Variants in DENND5A observed in about 807,000 individuals in gnomAD.
DENND5A encodes the protein DENN domain-containing protein 5A.
Under a neutral mutation model 140.3 loss-of-function variants are expected in DENND5A, and 64 were observed. The observed-to-expected ratio is 0.46, with a 90% CI of 0.37 to 0.56. The LOEUF is 0.56. Among genes scored for constraint, DENND5A ranks in the 20% least tolerant of loss-of-function variants. The pLI is 0.00. For synonymous variants in DENND5A, 605 were observed against 607.7 expected (o/e 1.00, Z 0.07); for missense variants, 1,292 against 1,593.8 (o/e 0.81, Z 3.22).
intron 1 of DENND5A, among the ~76,000 whole-genome samples, chr11:9,232,109 G>A (rs1850797763): frequency 6.6e-6 from 1 of 152,060 alleles, no homozygotes; most frequent in East Asian, 1.9e-4. Flanking sequence ...TTAGCCCTAG[G>A]ACTGTAGATC....
At chr11:9,246,338 T>G (rs375779558) in intron 1 of DENND5A, among the ~76,000 whole-genome samples, 2 of 151,774 alleles carry the variant, frequency 1.3e-5, no homozygotes, top group South Asian at 4.2e-4. Context: ...TAGGGCCAGG[T>G]GGGGTGGCTC....
At chr11:9,183,281 T>C (rs1402094127) in intron 5 of DENND5A, among the ~76,000 whole-genome samples, 1 of 152,194 alleles carries the variant, frequency 6.6e-6, no homozygotes. Context: ...ATTACCAATG[T>C]CATAGACTTG....
Position 9,139,941 on chromosome 11 carries a change from T to C in DENND5A, c.3681-87A>G. 4 of 1,352,922 alleles carry C rather than the reference T, an allele frequency of 3.0e-6. No individual in the cohort carries two copies. The South Asian group carries it at 5.3e-5, about 18-fold the overall frequency. The allele number at this position is 1,352,922 out of a possible 1,614,324, so 83.8% of individuals were successfully genotyped here. A position where few individuals can be genotyped will look rare whatever the true frequency, so the allele number is the denominator to read the frequency against. ...TAGTGCAAGGCCAAGGGGGAAACCATGAACTAAGTCTGAAGCTGGAGAAGC... is the reference window on the plus strand; with the variant it reads ...TAGTGCAAGGCCAAGGGGGAAACCACGAACTAAGTCTGAAGCTGGAGAAGC... On this transcript the variant is annotated intron_variant, in intron 22 of 22. Coordinates refer to ENST00000328194, the MANE Select transcript of DENND5A (RefSeq NM_015213.4).
rs200270093 is a variant in DENND5A at position 9,199,083 on chromosome 11, TTAAC to T, written c.949+4573_949+4576del. Among the ~76,000 whole-genome samples the T allele has an allele frequency of 2.3e-3, 337 of 147,874 alleles. 2 individuals are homozygous for T. The highest frequency in any genetic ancestry group is 8.2e-3 in the African/African-American group (318 of 38,926). ...AAAATAATAATAAATAATAAATAGT[TTAAC>T]TATAAAATTAATTGTACATATCATT... On this transcript the variant is annotated intron_variant, in intron 4 of 22. Coordinates refer to ENST00000328194, the MANE Select transcript of DENND5A (RefSeq NM_015213.4).
At chr11:9,208,045 T>A (rs1564916236) in intron 1 of DENND5A, among the ~76,000 whole-genome samples, 1 of 152,180 alleles carries the variant, frequency 6.6e-6, no homozygotes, top group African/African-American at 2.4e-5. Flanking sequence ...ATTAAATGCA[T>A]ATAAACAGTT....
Position 9,150,533 on chromosome 11 carries a change from T to C in DENND5A, c.2606+147A>G, listed in dbSNP as rs534140866. On this transcript the variant is annotated intron_variant, in intron 14 of 22. Coordinates refer to ENST00000328194, the MANE Select transcript of DENND5A (RefSeq NM_015213.4). ...TTTGTACAGCTTTACAAATGTATTA[T>C]GAAACACAAGGCTTTGTGATTAGGA... is the stretch of plus-strand genomic sequence containing the variant. 29 of 633,796 alleles carry C rather than the reference T, an allele frequency of 4.6e-5. No homozygotes were observed. The Admixed American group carries it at 5.6e-4, about 12-fold the overall frequency. The allele number at this position is 633,796 out of a possible 1,614,324, so 39.3% of individuals were successfully genotyped here.
chr11:9,158,061 G>A (rs2136135270), intron 12 of DENND5A, among the ~76,000 whole-genome samples: 1 of 152,198 alleles, frequency 6.6e-6, no homozygotes, highest in East Asian at 1.9e-4. Flanking sequence ...TGAAAAATCA[G>A]AATTAACCTA....
chr11:9,209,055 T>C (rs1849784599), intron 1 of DENND5A, among the ~76,000 whole-genome samples: 1 of 152,254 alleles, frequency 6.6e-6, no homozygotes, highest in Non-Finnish European at 1.5e-5. Flanking sequence ...TGAAAGAAGA[T>C]AACTGTTTCT....
chr11:9,176,021 G>A (rs1848536291), intron 8 of DENND5A, among the ~76,000 whole-genome samples: 1 of 152,106 alleles, frequency 6.6e-6, no homozygotes, highest in Non-Finnish European at 1.5e-5. Flanking sequence ...TCAAAATCAC[G>A]TCTCCCTTAC....
At chr11:9,227,635 C>T (rs1850585412) in intron 1 of DENND5A, among the ~76,000 whole-genome samples, 1 of 152,030 alleles carries the variant, frequency 6.6e-6, no homozygotes. Flanking sequence ...TTAATTTCTT[C>T]TAGGTAACTT....
chr11:9,257,072 G>A (rs1478911487), intron 1 of DENND5A, among the ~76,000 whole-genome samples: 5 of 151,082 alleles, frequency 3.3e-5, no homozygotes, highest in Non-Finnish European at 5.9e-5. Flanking sequence ...GTGCAGTGGC[G>A]CCATCTCGGC....
chr11:9,221,581 G>C (rs1850313613), intron 1 of DENND5A, among the ~76,000 whole-genome samples: 1 of 151,960 alleles, frequency 6.6e-6, no homozygotes, highest in Admixed American at 6.6e-5. Context: ...AGCCAGGCTG[G>C]TCTTGAACTC....
intron 1 of DENND5A, among the ~76,000 whole-genome samples, chr11:9,240,724 G>T (rs889880090): frequency 1.4e-4 from 21 of 147,258 alleles, no homozygotes; most frequent in African/African-American, 5.0e-4. Flanking sequence ...CAAAAAAAAA[G>T]AACTGAAGAA....
chr11:9,156,297 A>G (rs1055138710), intron 12 of DENND5A, among the ~76,000 whole-genome samples: 1 of 152,142 alleles, frequency 6.6e-6, no homozygotes, highest in Non-Finnish European at 1.5e-5. Flanking sequence ...CCAGAGCTCC[A>G]AAAGCCAGGA....
rs532155145 is a variant in DENND5A at position 9,207,916 on chromosome 11, G to A, written c.110-284C>T. ...TTCAGTTTGAAAAACATTATAATAC[G>A]GTATAGTAGAACGAAGAGCTCAACT... On this transcript the variant is annotated intron_variant, in intron 1 of 22. Coordinates refer to ENST00000328194, the MANE Select transcript of DENND5A (RefSeq NM_015213.4). Among the ~76,000 whole-genome samples the A allele has an allele frequency of 4.2e-4, 64 of 151,982 alleles. No homozygotes were observed. The South Asian group carries it at 0.013, about 30-fold the overall frequency.
rs567387470 is a variant in DENND5A, at chr11:9,265,097, G to A, written c.-28C>T. 859 of 1,404,160 alleles carry A rather than the reference G, an allele frequency of 6.1e-4. 3 individuals are homozygous for A. In the African/African-American group the frequency reaches 0.012, roughly 19 times the overall value. The allele number at this position is 1,404,160 out of a possible 1,614,324, so 87.0% of individuals were successfully genotyped here. On this transcript the variant is annotated 5_prime_UTR_variant, in exon 1 of 23. Transcript: ENST00000328194. This position sits in a 1 kb window ranked among gnomAD's most constrained non-coding sequence, Gnocchi z 4.7. Reference sequence around the variant, plus strand: ...CGCCGGGGCCGAGACCGGCCGGGCAGTGCGGAGCGGCACCGAGCCCCCGCA... The same window carrying A: ...CGCCGGGGCCGAGACCGGCCGGGCAATGCGGAGCGGCACCGAGCCCCCGCA...
chr11:9,207,500 A>G, intron 2 of DENND5A, 61 bp downstream of exon 2: 1 of 1,260,814 alleles, frequency 7.9e-7, no homozygotes, highest in Non-Finnish European at 1.2e-6. Context: ...ATGCCACTGG[A>G]GAGATATATG....
chr11:9,164,058 T>G (rs113633480), intron 11 of DENND5A, among the ~76,000 whole-genome samples: 919 of 61,970 alleles, frequency 0.015, 11 homozygotes, highest in African/African-American at 0.065. Flanking sequence ...TTAATCAGGT[T>G]TTTTTTTTTT....
chr11:9,188,773 A>G (rs1849009724), intron 5 of DENND5A, among the ~76,000 whole-genome samples: 1 of 152,232 alleles, frequency 6.6e-6, no homozygotes, highest in South Asian at 2.1e-4. Flanking sequence ...GCAGCAAAGC[A>G]TTCAAGAGGT....
Sources: gnomAD v4.1 joint callset for allele counts (sites outside exome capture counted in the v4.1 genomes callset) on GRCh38, gnomAD v4.1.1 for gene constraint, Gnocchi (gnomAD v3.1) non-coding constraint, MANE v1.5 for transcripts, NCBI Gene and HGNC (gene_info 2026-07-23, HGNC 2026-07-21) for gene names.